RMI2: variants seen among roughly 807,000 people sequenced by gnomAD.
The protein encoded by RMI2 is recQ-mediated genome instability protein 2.
RMI2 carries 11 observed loss-of-function variants against 8.4 expected under a neutral mutation model. The observed-to-expected ratio is 1.32, with a 90% CI of 0.83 to 2.18. RMI2 has a LOEUF of 2.18. Ranked by LOEUF, RMI2 falls within the 30% of genes most tolerant of loss-of-function variation. The probability of loss-of-function intolerance (pLI) is 0.00; values close to 1 mark genes in which losing one functional copy is unlikely to be tolerated. For synonymous variants in RMI2, 105 were observed against 93.8 expected (o/e 1.12, Z -0.69); for missense variants, 253 against 207.5 (o/e 1.22, Z -1.35).
intron 1 of RMI2, among the ~76,000 whole-genome samples, chr16:11,347,367 C>CGT (rs930225641): frequency 6.6e-6 from 1 of 152,176 alleles, no homozygotes; most frequent in Non-Finnish European, 1.5e-5. Flanking sequence ...GTCTTGGAGT[C>CGT]TAACTAGAGG....
chr16:11,350,648 A>G lies in RMI2; in HGVS notation c.302A>G (p.Tyr101Cys). 4 of 1,567,700 alleles carry G rather than the reference A, an allele frequency of 2.6e-6. No homozygotes were observed. The highest frequency in any genetic ancestry group is 3.4e-6 in the Non-Finnish European group (4 of 1,163,532). Residue 101 changes from tyrosine to cysteine, a missense_variant, in exon 2 of 2, where the codon TAT becomes TGT. Transcript: ENST00000312499. ...GCTTTTCTTCTTTTTCTAGGAAAGTATGTGATGGTGATGGGAGTGGTTCAG... is the reference window on the plus strand; with the variant it reads ...GCTTTTCTTCTTTTTCTAGGAAAGTGTGTGATGGTGATGGGAGTGGTTCAG... Reference protein sequence around the residue: ...RGRPCLVPGKYVMVMGVVQAC... With the variant: ...RGRPCLVPGKCVMVMGVVQAC...
chr16:11,349,936 C>T lies in RMI2; in HGVS notation c.296-706C>T, dbSNP rs866233060. On this transcript the variant is annotated intron_variant, in intron 1 of 1. Coordinates refer to ENST00000312499, the MANE Select transcript of RMI2 (RefSeq NM_152308.3). The surrounding 1 kb of genome is among the most constrained non-coding windows in gnomAD (Gnocchi z 4.2). ...ATACGTCATTAGATCATGCCGGTGG[C>T]AGCCGGCCCTTGTGTGGATTTGCTT... Among the ~76,000 whole-genome samples the T allele has an allele frequency of 1.3e-5, 2 of 152,176 alleles. No individual in the cohort carries two copies. Among genetic ancestry groups the T allele is most frequent in the Non-Finnish European group, 2.9e-5 (2 of 68,032 alleles).
intron 1 of RMI2, chr16:11,348,150 G>C (rs1432425715): frequency 6.6e-6 from 1 of 152,234 alleles, no homozygotes; most frequent in Admixed American, 6.5e-5. Context: ...GTGTTCATAA[G>C]TTAAGTTTTA....
At chr16:11,350,608 A>G (rs762099292) in intron 1 of RMI2, 34 bp from the exon 2 acceptor site, 1 of 1,425,474 alleles carries the variant, frequency 7.0e-7, no homozygotes, top group East Asian at 2.6e-5. Flanking sequence ...AAAAAAAAAA[A>G]GAACATTACT....
chr16:11,350,714 C>G lies in RMI2; in HGVS notation c.368C>G (p.Thr123Arg). ...PEPCLQAVKM[T>R]DLSDNPIHES... ...CCCTGCCTGCAGGCTGTGAAGATGA[C>G]AGACCTTTCTGATAATCCCATCCAT... Residue 123 changes from threonine to arginine, a missense_variant, in exon 2 of 2, where the codon ACA becomes AGA. Physicochemically the swap from Thr to Arg is moderately conservative, Grantham distance 71. Coordinates refer to ENST00000312499, the MANE Select transcript of RMI2 (RefSeq NM_152308.3). 6.2e-7 allele frequency: 1 copy of G among 1,613,346 alleles called. No homozygotes were observed. The highest frequency in any genetic ancestry group is 8.5e-7 in the Non-Finnish European group (1 of 1,179,402).
Position 11,350,845 on chromosome 16 carries a change from T to C in RMI2, c.*55T>C. The C allele has an allele frequency of 6.9e-7, 1 of 1,441,038 alleles. No homozygotes were observed. Among genetic ancestry groups the C allele is most frequent in the Non-Finnish European group, 9.5e-7 (1 of 1,052,592 alleles). 89.3% of individuals were successfully genotyped at this position (1,441,038 alleles called of 1,614,324 possible). ...CAAAATCCCGAAACTATTTAGAAGCTTATAATGATGTGGATTTCATGGACA... is the reference window on the plus strand; with the variant it reads ...CAAAATCCCGAAACTATTTAGAAGCCTATAATGATGTGGATTTCATGGACA... On this transcript the variant is annotated 3_prime_UTR_variant, in exon 2 of 2. Transcript: ENST00000312499.
chr16:11,350,780 A>T lies in RMI2; in HGVS notation c.434A>T (p.Asn145Ile). ...WELEVEDLHR[N>I]IP ...CTGGAGGTAGAAGATTTACACAGGAATATTCCTTAGAGTATGTTGGAACTG... is the reference window on the plus strand; with the variant it reads ...CTGGAGGTAGAAGATTTACACAGGATTATTCCTTAGAGTATGTTGGAACTG... The change falls in exon 2 of 2, where the codon AAT (asparagine) becomes ATT (isoleucine). Residue 145 changes from asparagine (N) to isoleucine (I), a missense_variant. Coordinates refer to ENST00000312499, the MANE Select transcript of RMI2 (RefSeq NM_152308.3). 6.2e-7 allele frequency: 1 copy of T among 1,609,570 alleles called. No homozygotes were observed.
chr16:11,346,696 T>G (rs1007285171), intron 1 of RMI2, among the ~76,000 whole-genome samples: 1 of 152,170 alleles, frequency 6.6e-6, no homozygotes, highest in Admixed American at 6.5e-5. Flanking sequence ...GGCTGGAAAT[T>G]TGCATTTCTA....
rs1022307643 is a variant in RMI2 at position 11,345,723 on chromosome 16, C to T, written c.252C>T (p.Arg84=). 8.0e-7 allele frequency: 1 copy of T among 1,248,894 alleles called. No individual in the cohort carries two copies. The highest frequency in any genetic ancestry group is 1.0e-6 in the Non-Finnish European group (1 of 997,746). The allele number at this position is 1,248,894 out of a possible 1,614,324, so 77.4% of individuals were successfully genotyped here. A position where few individuals can be genotyped will look rare whatever the true frequency, so the allele number is the denominator to read the frequency against. Residue 84 remains arginine, a synonymous_variant, in exon 1 of 2, where the codon CGC becomes CGT. Coordinates refer to ENST00000312499, the MANE Select transcript of RMI2 (RefSeq NM_152308.3). The part of the protein sequence containing the change: ...LRDPSGDFSV[R]GLERVPRGRP... ...ACCCGAGCGGGGACTTCTCGGTCCGCGGCCTGGAGCGGGTGCCGCGCGGGC... is the reference window on the plus strand; with the variant it reads ...ACCCGAGCGGGGACTTCTCGGTCCGTGGCCTGGAGCGGGTGCCGCGCGGGC...
Position 11,345,735 on chromosome 16 carries a change from G to C in RMI2, c.264G>C (p.Arg88=), listed in dbSNP as rs757819409. Residue 88 remains arginine, a synonymous_variant, in exon 1 of 2, where the codon CGG becomes CGC. Transcript: ENST00000312499. ...SGDFSVRGLE[R]VPRGRPCLVP... ...ACTTCTCGGTCCGCGGCCTGGAGCG[G>C]GTGCCGCGCGGGCGGCCCTGTCTAG... is the stretch of plus-strand genomic sequence containing the variant. 106 of 1,245,102 alleles carry C rather than the reference G, an allele frequency of 8.5e-5. 1 individual carries two copies. The highest frequency in any genetic ancestry group is 1.1e-4 in the Non-Finnish European group (105 of 995,510). 77.1% of individuals were successfully genotyped at this position (1,245,102 alleles called of 1,614,324 possible). A position where few individuals can be genotyped will look rare whatever the true frequency, so the allele number is the denominator to read the frequency against.
Position 11,351,345 on chromosome 16 carries a change from C to T in RMI2, c.*555C>T, listed in dbSNP as rs1597762606. 1.3e-5 allele frequency: 3 copies of T among 232,860 alleles called. No homozygotes were observed. The East Asian group carries it at 1.8e-4, about 14-fold the overall frequency. The allele number at this position is 232,860 out of a possible 1,614,324, so 14.4% of individuals were successfully genotyped here. ...AGGCATGGCGGCCCCTGAAAGACAA[C>T]AGCTCCCTTTCTGCTTCGGACACCA... On this transcript the variant is annotated 3_prime_UTR_variant, in exon 2 of 2. Transcript: ENST00000312499.
At chr16:11,350,594 GAAGA>G in intron 1 of RMI2, 44 bp from the exon 2 acceptor site, 1 of 1,295,794 alleles carries the variant, frequency 7.7e-7, no homozygotes. Flanking sequence ...TGTCTCAAAA[GAAGA>G]AAAAAAAAAA....
Position 11,350,945 on chromosome 16 carries a change from T to G in RMI2, c.*155T>G, listed in dbSNP as rs1855926024. ...TGACCAAGGAGTCCGGATGTAGGAA[T>G]GTTTAAATCCTCGGATACTTCAGTG... On this transcript the variant is annotated 3_prime_UTR_variant, in exon 2 of 2. Coordinates refer to ENST00000312499, the MANE Select transcript of RMI2 (RefSeq NM_152308.3). 7 of 573,032 alleles carry G rather than the reference T, an allele frequency of 1.2e-5. No individual in the cohort carries two copies. The highest frequency in any genetic ancestry group is 1.9e-5 in the African/African-American group (1 of 51,340). 35.5% of individuals were successfully genotyped at this position (573,032 alleles called of 1,614,324 possible). A position where few individuals can be genotyped will look rare whatever the true frequency, so the allele number is the denominator to read the frequency against.
At chr16:11,347,464 T>C (rs2070892339) in intron 1 of RMI2, among the ~76,000 whole-genome samples, 1 of 152,256 alleles carries the variant, frequency 6.6e-6, no homozygotes. Context: ...CCAACTGAGC[T>C]GCCTGGAGCA....
At position 11,345,605 on chromosome 16, in the gene RMI2, G is replaced by C. The variant is rs924962294; in HGVS notation, c.134G>C (p.Arg45Pro). ...EGGPGAWRLSRAAAGRGPLDL... is the reference protein window; with the variant it reads ...EGGPGAWRLSPAAAGRGPLDL... ...GGCCCGGGCGCGTGGCGGCTGTCAC[G>C]GGCGGCGGCGGGCCGCGGGCCGCTG... is the stretch of plus-strand genomic sequence containing the variant. Residue 45 changes from arginine (R) to proline (P), a missense_variant, in exon 1 of 2, where the codon CGG becomes CCG. By Grantham distance (103) the Arg-to-Pro change is moderately radical. Transcript: ENST00000312499. The C allele has an allele frequency of 7.3e-5, 89 of 1,224,236 alleles. 1 individual carries two copies. In the East Asian group the frequency reaches 2.8e-3, roughly 39 times the overall value. The allele number at this position is 1,224,236 out of a possible 1,614,324, so 75.8% of individuals were successfully genotyped here.
At chr16:11,346,052 G>A (rs1261853300) in intron 1 of RMI2, among the ~76,000 whole-genome samples, 1 of 152,180 alleles carries the variant, frequency 6.6e-6, no homozygotes, top group African/African-American at 2.4e-5. Context: ...CGGCACCTTC[G>A]TTTGTCACAA....
rs572834413 is a variant in RMI2, at chr16:11,348,163, G to A, written c.295+2397G>A. 2.0e-5 allele frequency: 3 copies of A among 152,342 alleles called. No individual in the cohort carries two copies. In the South Asian group the frequency reaches 6.2e-4, roughly 32 times the overall value. 9.4% of individuals were successfully genotyped at this position (152,342 alleles called of 1,614,324 possible). On this transcript the variant is annotated intron_variant, in intron 1 of 1. Coordinates refer to ENST00000312499, the MANE Select transcript of RMI2 (RefSeq NM_152308.3). ...CAGTGTTCATAAGTTAAGTTTTATTGGAATACATTGGTAATTTACAGAATG... is the reference window on the plus strand; with the variant it reads ...CAGTGTTCATAAGTTAAGTTTTATTAGAATACATTGGTAATTTACAGAATG...
chr16:11,350,749 T>C lies in RMI2; in HGVS notation c.403T>C (p.Trp135Arg). 1 of 1,613,430 alleles carries C rather than the reference T, an allele frequency of 6.2e-7. No individual in the cohort carries two copies. Among genetic ancestry groups the C allele is most frequent in the Non-Finnish European group, 8.5e-7 (1 of 1,179,636 alleles). ...LSDNPIHESM[W>R]ELEVEDLHRN... ...TGATAATCCCATCCATGAAAGTATG[T>C]GGGAACTGGAGGTAGAAGATTTACA... is the stretch of plus-strand genomic sequence containing the variant. Residue 135 changes from tryptophan to arginine, a missense_variant, in exon 2 of 2, where the codon TGG (tryptophan) becomes CGG (arginine). By Grantham distance (101) the Trp-to-Arg change is moderately radical. Coordinates refer to ENST00000312499, the MANE Select transcript of RMI2 (RefSeq NM_152308.3).
chr16:11,345,993 AT>A (rs1362945939), intron 1 of RMI2, among the ~76,000 whole-genome samples: 1 of 152,060 alleles, frequency 6.6e-6, no homozygotes, highest in African/African-American at 2.4e-5. Flanking sequence ...ACAAATACAG[AT>A]TCCTGGGACT....
Sources: allele counts gnomAD v4.1 joint callset (sites outside exome capture counted in the v4.1 genomes callset), GRCh38; gene constraint gnomAD v4.1.1; non-coding constraint Gnocchi (gnomAD v3.1); transcripts MANE v1.5; gene names NCBI Gene and HGNC (gene_info 2026-07-23, HGNC 2026-07-21).